MACF1: variants seen among roughly 807,000 people sequenced by gnomAD.
The protein encoded by MACF1 is microtubule-actin cross-linking factor 1.
A neutral mutation model predicts 854.8 loss-of-function variants in MACF1; 193 were observed. The observed-to-expected ratio is 0.23, with a 90% CI of 0.20 to 0.25. The LOEUF (loss-of-function observed/expected upper bound fraction) is 0.25. MACF1 is among the 10% of genes least tolerant of loss of function. MACF1 has a pLI of 1.00. For synonymous variants in MACF1, 3,185 were observed against 3,226.7 expected (o/e 0.99, Z 0.44); for missense variants, 7,722 against 8,929.1 (o/e 0.86, Z 5.45).
intron 2 of MACF1, among the ~76,000 whole-genome samples, chr1:39,109,447 A>G (rs1283975608): frequency 1.7e-4 from 26 of 149,638 alleles, no homozygotes; most frequent in Non-Finnish European, 1.5e-5. Flanking sequence ...TTTTTTCTAT[A>G]TTTTTTTTTA....
intron 57 of MACF1, 88 bp from the exon 58 acceptor site, chr1:39,387,099 C>A (rs921014833): frequency 1.6e-5 from 23 of 1,436,888 alleles, no homozygotes; most frequent in Non-Finnish European, 1.9e-6. Flanking sequence ...AGTTCCCTTC[C>A]CCCAAGATTA....
chr1:39,388,500 C>G lies in MACF1; in HGVS notation c.15658C>G (p.Gln5220Glu). ...ACTGACAGAGAGGGGGAAAGCTCGT[C>G]AGGAACAGCTGGAACTGACACTAGG... ...GKLTERGKAR[Q>E]EQLELTLGRV... The change falls in exon 58 of 101, where the codon CAG becomes GAG. Residue 5220 changes from glutamine to glutamate, a missense_variant. Physicochemically the swap from Gln to Glu is conservative, Grantham distance 29. Transcript: ENST00000564288. The G allele has an allele frequency of 1.2e-6, 2 of 1,614,122 alleles. No homozygotes were observed. Among genetic ancestry groups the G allele is most frequent in the Non-Finnish European group, 1.7e-6 (2 of 1,180,030 alleles).
At chr1:39,253,601 C>T (rs984817190) in intron 4 of MACF1, among the ~76,000 whole-genome samples, 3 of 149,114 alleles carry the variant, frequency 2.0e-5, no homozygotes, top group African/African-American at 4.9e-5. Flanking sequence ...GCAACTTCCA[C>T]CTCCTAGATT....
intron 15 of MACF1, among the ~76,000 whole-genome samples, chr1:39,290,164 T>C (rs1645746320): frequency 1.3e-5 from 2 of 152,226 alleles, no homozygotes; most frequent in Admixed American, 1.3e-4. Flanking sequence ...TGTAGTAGTT[T>C]CATAGTTTAA....
intron 22 of MACF1, among the ~76,000 whole-genome samples, chr1:39,302,096 AGG>A (rs1646058042): frequency 6.6e-6 from 1 of 152,124 alleles, no homozygotes; most frequent in Non-Finnish European, 1.5e-5. Flanking sequence ...CCCTGGGCTC[AGG>A]TGACCCTCCC....
intron 2 of MACF1, among the ~76,000 whole-genome samples, chr1:39,136,544 A>G (rs1643174125): frequency 3.3e-5 from 5 of 152,112 alleles, no homozygotes; most frequent in Admixed American, 3.3e-4. Flanking sequence ...TTTTTTGCCC[A>G]GTTGCTCATG....
rs753751293 is a variant in MACF1, at chr1:39,428,095, A to T, written c.16611A>T (p.Arg5537=). 5.6e-6 allele frequency: 9 copies of T among 1,614,206 alleles called. 1 individual carries two copies. Among genetic ancestry groups the T allele is most frequent in the Middle Eastern group, 3.3e-4 (2 of 6,062 alleles). The stretch of plus-strand genomic sequence containing the variant: ...AAAAGATAGACTCATTGCAGGCCCG[A>T]TACAGTGAAATTCAAGACCGCTGTT... The part of the protein sequence containing the change: ...LSEKIDSLQA[R]YSEIQDRCCR... Residue 5537 remains arginine, a synonymous_variant, in exon 63 of 101, where the codon CGA becomes CGT. Coordinates refer to ENST00000564288, the MANE Select transcript of MACF1 (RefSeq NM_001394062.1).
intron 1 of MACF1, among the ~76,000 whole-genome samples, chr1:39,228,727 C>G (rs974217621): frequency 1.3e-5 from 2 of 152,208 alleles, no homozygotes; most frequent in Non-Finnish European, 2.9e-5. Flanking sequence ...GATCTCAGCT[C>G]ACTGCAACCT....
intron 40 of MACF1, among the ~76,000 whole-genome samples, chr1:39,346,544 G>A (rs992204996): frequency 6.7e-6 from 1 of 148,300 alleles, no homozygotes; most frequent in African/African-American, 2.5e-5. Flanking sequence ...TTTTGAGATG[G>A]AGTCTCGCTC....
intron 44 of MACF1, among the ~76,000 whole-genome samples, chr1:39,354,990 T>C (rs1647404294): frequency 6.6e-6 from 1 of 152,332 alleles, no homozygotes; most frequent in Non-Finnish European, 1.5e-5. Context: ...GCACATTCTA[T>C]TGAATGATTG....
At position 39,349,516 on chromosome 1, in the gene MACF1, G is replaced by A. The variant is rs756886937; in HGVS notation, c.10854G>A (p.Leu3618=). ...AACAAAATACCTGTCACCAGCAACT[G>A]GAGGATCTTTGCAGTTGGGTAGGAC... ...QKQQNTCHQQ[L]EDLCSWVGQA... is the part of the protein sequence containing the mutation. The change falls in exon 42 of 101, where the codon CTG becomes CTA. Residue 3618 remains leucine, a synonymous_variant. Transcript: ENST00000564288. 4.2e-5 allele frequency: 67 copies of A among 1,614,116 alleles called. No homozygotes were observed. The highest frequency in any genetic ancestry group is 5.6e-5 in the Non-Finnish European group (66 of 1,179,982).
At chr1:39,150,428 A>G (rs1182742216) in intron 2 of MACF1, among the ~76,000 whole-genome samples, 1 of 152,246 alleles carries the variant, frequency 6.6e-6, no homozygotes, top group Non-Finnish European at 1.5e-5. Flanking sequence ...TGGTAATAAT[A>G]CAGTGGATTA....
At chr1:39,355,349 G>A (rs75105168) in intron 44 of MACF1, among the ~76,000 whole-genome samples, 2 of 152,114 alleles carry the variant, frequency 1.3e-5, no homozygotes, top group East Asian at 1.9e-4. Flanking sequence ...GTTGGAAGGT[G>A]AGAATGAAGG....
chr1:39,441,481 T>C (rs570511351), intron 74 of MACF1, among the ~76,000 whole-genome samples, 156 bp downstream of exon 74: 11 of 152,342 alleles, frequency 7.2e-5, no homozygotes, highest in Admixed American at 5.9e-4. Flanking sequence ...TCCCCACTTG[T>C]AGTGAAAAAA....
intron 6 of MACF1, among the ~76,000 whole-genome samples, chr1:39,272,982 T>C (rs1271408369): frequency 6.6e-6 from 1 of 152,150 alleles, no homozygotes; most frequent in Non-Finnish European, 1.5e-5. Flanking sequence ...TCCCAGCTGC[T>C]TTCAATATCC....
chr1:39,161,670 G>T (rs962045448), intron 2 of MACF1, among the ~76,000 whole-genome samples: 3 of 151,916 alleles, frequency 2.0e-5, no homozygotes, highest in African/African-American at 7.3e-5. Flanking sequence ...TTTGAGACCA[G>T]GCTGGCCAAT....
At chr1:39,158,865 G>A (rs1410057789) in intron 2 of MACF1, among the ~76,000 whole-genome samples, 3 of 152,242 alleles carry the variant, frequency 2.0e-5, no homozygotes, top group African/African-American at 7.2e-5. Context: ...GGGGCTAGTA[G>A]AAGCGGGAGT....
chr1:39,430,847 T>C lies in MACF1; in HGVS notation c.17276T>C (p.Val5759Ala). 1 of 1,612,742 alleles carries C rather than the reference T, an allele frequency of 6.2e-7. No homozygotes were observed. Residue 5759 changes from valine (V) to alanine (A), a missense_variant, in exon 66 of 101, where the codon GTC becomes GCC. Around this residue, in one of 15 missense-constraint regions of MACF1, gnomAD observed 2,807 missense variants for 3,235.8 expected, o/e 0.87. Coordinates refer to ENST00000564288, the MANE Select transcript of MACF1 (RefSeq NM_001394062.1). Reference protein sequence around the residue: ...VSDANEQYKLVSDTIGQRVDE... With the variant: ...VSDANEQYKLASDTIGQRVDE... ...GATGCTAACGAGCAGTACAAACTAG[T>C]CAGTGACACTATTGGACAAAGGGTG... is the stretch of plus-strand genomic sequence containing the variant.
chr1:39,268,141 G>GCCCTT lies in MACF1; in HGVS notation c.528+10124_528+10128dup, dbSNP rs575406634. On this transcript the variant is annotated intron_variant, in intron 6 of 100. Coordinates refer to ENST00000564288, the MANE Select transcript of MACF1 (RefSeq NM_001394062.1). ...CCAGGCTTGGTTCTTCTTGGCCCGG[G>GCCCTT]CCCTTCCCTTCCCTTGCTGGTTAGT... Among the ~76,000 whole-genome samples, 103 of 152,246 alleles carry GCCCTT rather than the reference G, an allele frequency of 6.8e-4. 1 individual carries two copies. Among genetic ancestry groups the GCCCTT allele is most frequent in the Admixed American group, 2.0e-3 (30 of 15,298 alleles).
Sources: allele counts gnomAD v4.1 joint callset (sites outside exome capture counted in the v4.1 genomes callset), GRCh38; gene constraint gnomAD v4.1.1; regional missense constraint gnomAD v4.1.1; transcripts MANE v1.5; gene names NCBI Gene and HGNC (gene_info 2026-07-23, HGNC 2026-07-21).